GABRA1: variants seen among roughly 807,000 people sequenced by gnomAD.
GABRA1 encodes the protein gamma-aminobutyric acid type A receptor subunit alpha1.
GABRA1 carries 9 observed loss-of-function variants against 48.9 expected under a neutral mutation model. The observed-to-expected ratio is 0.18, with a 90% CI of 0.11 to 0.32. The LOEUF is 0.32. Ranked by LOEUF, GABRA1 falls within the 10% of genes least tolerant of loss-of-function variation. The pLI is 1.00. For synonymous variants in GABRA1, 210 were observed against 198.7 expected (o/e 1.06, Z -0.48); for missense variants, 285 against 553.8 (o/e 0.51, Z 4.87).
chr5:161,860,012 G>A (rs900960225), intron 3 of GABRA1, among the ~76,000 whole-genome samples: 1 of 151,792 alleles, frequency 6.6e-6, no homozygotes, highest in East Asian at 1.9e-4. Context: ...CAGATGCTCA[G>A]ACTTTGGCAA....
intron 3 of GABRA1, among the ~76,000 whole-genome samples, chr5:161,861,892 C>G (rs144178969): frequency 6.6e-6 from 1 of 151,860 alleles, no homozygotes; most frequent in Non-Finnish European, 1.5e-5. Context: ...TGGTGCCTAC[C>G]TCTGTGAATC....
intron 4 of GABRA1, among the ~76,000 whole-genome samples, chr5:161,871,369 G>C (rs1239736576): frequency 6.6e-6 from 1 of 151,988 alleles, no homozygotes; most frequent in Non-Finnish European, 1.5e-5. Context: ...TCATTCAGTT[G>C]GACAGAAACT....
intron 9 of GABRA1, 57 bp downstream of exon 9, chr5:161,895,925 A>AAAT: frequency 6.9e-7 from 1 of 1,455,016 alleles, no homozygotes; most frequent in Non-Finnish European, 9.7e-7. Context: ...TAAACCTATG[A>AAAT]AATGAGATGT....
chr5:161,895,180 T>C (rs1486281172), intron 8 of GABRA1, among the ~76,000 whole-genome samples: 2 of 152,098 alleles, frequency 1.3e-5, no homozygotes, highest in African/African-American at 4.8e-5. Context: ...GTGGCAATTT[T>C]CCCCGAATAG....
chr5:161,873,765 T>C (rs181978225), intron 5 of GABRA1, among the ~76,000 whole-genome samples: 3 of 152,248 alleles, frequency 2.0e-5, no homozygotes. Flanking sequence ...CATGTAGACA[T>C]AGGTATTTTA....
intron 6 of GABRA1, 27 bp downstream of exon 6, chr5:161,875,669 T>G (rs1754317163): frequency 6.7e-7 from 1 of 1,492,722 alleles, no homozygotes; most frequent in Admixed American, 1.7e-5. Context: ...GGACTTTTCT[T>G]GATTGTAAGT....
Position 161,855,073 on chromosome 5 carries a change from C to T in GABRA1, c.187+803C>T, listed in dbSNP as rs147165552. The stretch of plus-strand genomic sequence containing the variant: ...TTTCTTTCAAAGTCACACAGAAAAC[C>T]AAGGTTAGAATCCATGATTCCCAAC... On this transcript the variant is annotated intron_variant, in intron 3 of 9. Transcript: ENST00000393943. Among the ~76,000 whole-genome samples the T allele has an allele frequency of 1.5e-4, 23 of 151,442 alleles. No individual in the cohort carries two copies. In the East Asian group the frequency reaches 4.5e-3, roughly 29 times the overall value.
chr5:161,856,620 A>G (rs1684987280), intron 3 of GABRA1, among the ~76,000 whole-genome samples: 1 of 147,248 alleles, frequency 6.8e-6, no homozygotes, highest in Admixed American at 6.8e-5. Context: ...TAGTACACTT[A>G]AATGTGATGG....
intron 3 of GABRA1, among the ~76,000 whole-genome samples, chr5:161,864,975 T>C (rs1171263873): frequency 1.3e-5 from 2 of 152,064 alleles, no homozygotes; most frequent in African/African-American, 2.4e-5. Context: ...CTGAAAGCAT[T>C]GTTTTTCTAT....
chr5:161,853,691 AC>A (rs1177289970), intron 2 of GABRA1: 2 of 152,376 alleles, frequency 1.3e-5, no homozygotes, highest in Non-Finnish European at 2.9e-5. Flanking sequence ...CCACCAAAAC[AC>A]AGACCTATAT....
intron 6 of GABRA1, among the ~76,000 whole-genome samples, chr5:161,878,528 A>C (rs1754465436): frequency 6.6e-6 from 1 of 152,192 alleles, no homozygotes; most frequent in Non-Finnish European, 1.5e-5. Flanking sequence ...GTCTGTAATA[A>C]ATGTTTATGA....
At chr5:161,858,624 T>C (rs578037957) in intron 3 of GABRA1, among the ~76,000 whole-genome samples, 14 of 151,850 alleles carry the variant, frequency 9.2e-5, no homozygotes, top group African/African-American at 2.7e-4. Context: ...CATATCTAAC[T>C]TACAAAAGAT....
intron 2 of GABRA1, among the ~76,000 whole-genome samples, chr5:161,852,844 C>T (rs919520585): frequency 2.0e-5 from 3 of 151,780 alleles, no homozygotes; most frequent in Admixed American, 6.6e-5. Flanking sequence ...TTTGCCGATA[C>T]GAAATTAATT....
intron 7 of GABRA1, among the ~76,000 whole-genome samples, chr5:161,886,667 T>C (rs1239751306): frequency 3.3e-5 from 5 of 151,986 alleles, no homozygotes; most frequent in East Asian, 3.9e-4. Flanking sequence ...TCCCAGCCAC[T>C]TGGGAGGCCA....
At position 161,868,707 on chromosome 5, in the gene GABRA1, C is replaced by T. The variant is rs142983657; in HGVS notation, c.255+2919C>T. On this transcript the variant is annotated intron_variant, in intron 4 of 9. Coordinates refer to ENST00000393943, the MANE Select transcript of GABRA1 (RefSeq NM_001127644.2). ...AATAGGAGTTGTTAAAGGACAATGC[C>T]CAAATGAAGCCACAGGCGATCAAAA... Among the ~76,000 whole-genome samples the T allele has an allele frequency of 5.1e-4, 78 of 152,112 alleles. 3 individuals are homozygous for T. In the East Asian group the frequency reaches 0.015, roughly 28 times the overall value.
chr5:161,876,743 C>T (rs1390106796), intron 6 of GABRA1, among the ~76,000 whole-genome samples: 2 of 152,036 alleles, frequency 1.3e-5, no homozygotes, highest in African/African-American at 4.8e-5. Context: ...TTAATATGAA[C>T]GATTATGTTT....
intron 7 of GABRA1, among the ~76,000 whole-genome samples, chr5:161,890,472 A>T (rs1268663569): frequency 6.6e-6 from 1 of 152,182 alleles, no homozygotes; most frequent in African/African-American, 2.4e-5. Context: ...GTACACGCCA[A>T]AGCTTCTTCA....
rs778103654 is a variant in GABRA1, at chr5:161,897,313, G to A, written c.1262G>A (p.Arg421Gln). Residue 421 changes from arginine to glutamine, a missense_variant, in exon 10 of 10, where the codon CGA becomes CAA. By Grantham distance (43) the Arg-to-Gln change is conservative. Transcript: ENST00000393943. ...KTFNSVSKID[R>Q]LSRIAFPLLF... ...TTTAACAGTGTCAGCAAAATTGACCGACTGTCAAGAATAGCCTTCCCGCTG... is the reference window on the plus strand; with the variant it reads ...TTTAACAGTGTCAGCAAAATTGACCAACTGTCAAGAATAGCCTTCCCGCTG... 4 of 1,613,950 alleles carry A rather than the reference G, an allele frequency of 2.5e-6. No individual in the cohort carries two copies. Among genetic ancestry groups the A allele is most frequent in the Non-Finnish European group, 3.4e-6 (4 of 1,180,012 alleles).
chr5:161,886,778 A>C (rs1182553454), intron 7 of GABRA1, among the ~76,000 whole-genome samples: 1 of 152,022 alleles, frequency 6.6e-6, no homozygotes, highest in Non-Finnish European at 1.5e-5. Context: ...CCCTGTCTCA[A>C]AATAATAATA....
Sources: allele counts gnomAD v4.1 joint callset (sites outside exome capture counted in the v4.1 genomes callset), GRCh38; gene constraint gnomAD v4.1.1; transcripts MANE v1.5; gene names NCBI Gene and HGNC (gene_info 2026-07-23, HGNC 2026-07-21).